Variants in NFIA observed in about 807,000 individuals in gnomAD.
NFIA encodes nuclear factor I A.
A neutral mutation model predicts 62.8 loss-of-function variants in NFIA; 8 were observed. The observed-to-expected ratio is 0.13, with a 90% confidence interval of 0.07 to 0.23. The LOEUF is 0.23. Among genes scored for constraint, NFIA ranks in the 10% least tolerant of loss-of-function variants. The pLI, the probability that NFIA is intolerant of heterozygous loss-of-function variation, is 1.00. For missense variants in NFIA, 410 were observed against 642.1 expected, an observed-to-expected ratio of 0.64 and a Z score of 3.91; for synonymous variants, 235 against 238.1, an observed-to-expected ratio of 0.99 and a Z score of 0.12.
chr1:61,244,475 A>T (rs1332679406), intron 2 of NFIA, among the ~76,000 whole-genome samples: 9 of 152,060 alleles, frequency 5.9e-5, no homozygotes, highest in Non-Finnish European at 7.4e-5. Context: ...TAGGTGAGAG[A>T]GGCTGTGTGT....
upstream of NFIA, among the ~76,000 whole-genome samples, chr1:61,080,016 C>A (rs1984296): frequency 4.0e-5 from 6 of 151,822 alleles, no homozygotes; most frequent in South Asian, 6.2e-4. Flanking sequence ...CGCCTCCCCC[C>A]CTCCCTCCGC....
At chr1:61,222,336 G>A (rs1020152783) in intron 2 of NFIA, among the ~76,000 whole-genome samples, 9 of 152,180 alleles carry the variant, frequency 5.9e-5, no homozygotes, top group African/African-American at 1.7e-4. Context: ...TAAGGTTTCC[G>A]TTATACCGTT....
intron 2 of NFIA, among the ~76,000 whole-genome samples, chr1:61,133,955 T>C (rs1647128337): frequency 6.6e-6 from 1 of 151,946 alleles, no homozygotes; most frequent in Non-Finnish European, 1.5e-5. Flanking sequence ...AAACCCCATC[T>C]CTCTAACTAA....
chr1:61,149,855 C>G (rs540367500), intron 2 of NFIA, among the ~76,000 whole-genome samples: 1 of 152,282 alleles, frequency 6.6e-6, no homozygotes, highest in East Asian at 1.9e-4. Context: ...GTTTTGACCA[C>G]TGTTACTGCA....
upstream of NFIA, chr1:61,081,776 C>T: frequency 8.1e-7 from 1 of 1,231,322 alleles, no homozygotes; most frequent in African/African-American, 1.5e-5. Context: ...GCCACAGGAC[C>T]GAAGCTGCAC....
rs774297484 is a variant in NFIA, at chr1:61,306,269, C to CTTTTTTTTTTTTTTTTTTTTT, written c.626-26238_626-26218dup. Among the ~76,000 whole-genome samples, 3 of 60,614 alleles carry CTTTTTTTTTTTTTTTTTTTTT rather than the reference C, an allele frequency of 4.9e-5. 1 individual carries two copies. Among genetic ancestry groups the CTTTTTTTTTTTTTTTTTTTTT allele is most frequent in the Non-Finnish European group, 8.0e-5 (3 of 37,350 alleles). 39.8% of individuals were successfully genotyped at this position (60,614 alleles called of 152,430 possible). A position where few individuals can be genotyped will look rare whatever the true frequency, so the allele number is the denominator to read the frequency against. ...TCATCCTGGAGACCCAGATTTTGTT[C>CTTTTTTTTTTTTTTTTTTTTT]TTTTTTTTTTTTTTTTTTTTTTTTT... On this transcript the variant is annotated intron_variant, in intron 3 of 10. Coordinates refer to ENST00000403491, the MANE Select transcript of NFIA (RefSeq NM_001134673.4).
chr1:61,204,596 A>C (rs991751264), intron 2 of NFIA, among the ~76,000 whole-genome samples: 3 of 152,160 alleles, frequency 2.0e-5, no homozygotes, highest in African/African-American at 7.2e-5. Flanking sequence ...AGCAGCAAAA[A>C]TGCACTAAAA....
intron 2 of NFIA, among the ~76,000 whole-genome samples, chr1:61,095,090 G>C (rs1646387565): frequency 6.6e-6 from 1 of 152,184 alleles, no homozygotes. Flanking sequence ...ATGATAACTA[G>C]AGATTGAAGT....
chr1:61,261,103 A>G (rs1347171187), intron 2 of NFIA, among the ~76,000 whole-genome samples: 1 of 152,204 alleles, frequency 6.6e-6, no homozygotes, highest in African/African-American at 2.4e-5. Context: ...TCTGGAGCCC[A>G]TTTTATTTAG....
intron 2 of NFIA, among the ~76,000 whole-genome samples, chr1:61,205,901 CTTTTTTTTTTTT>C (rs199804398): frequency 6.0e-4 from 74 of 122,522 alleles, no homozygotes; most frequent in East Asian, 1.4e-3. Flanking sequence ...TTTTGCAGCC[CTTTTTTTTTTTT>C]TTTTTTTTTT....
chr1:61,302,887 C>T (rs1659564759), intron 3 of NFIA, among the ~76,000 whole-genome samples: 1 of 152,132 alleles, frequency 6.6e-6, no homozygotes. Context: ...ATAATTTCAG[C>T]ATAGGAAAAT....
intron 3 of NFIA, among the ~76,000 whole-genome samples, chr1:61,302,541 G>C (rs2100332258): frequency 6.6e-6 from 1 of 152,226 alleles, no homozygotes; most frequent in Middle Eastern, 3.4e-3. Context: ...TGTGTGTTGG[G>C]TAGATCATTC....
chr1:61,398,931 A>T (rs1474747361), intron 7 of NFIA, among the ~76,000 whole-genome samples: 2 of 152,084 alleles, frequency 1.3e-5, no homozygotes, highest in African/African-American at 4.8e-5. Context: ...GTAGTTGACA[A>T]CCCAAGCCAT....
intron 6 of NFIA, among the ~76,000 whole-genome samples, chr1:61,363,604 A>AAC (rs2100451406): frequency 1.7e-5 from 2 of 116,728 alleles, no homozygotes; most frequent in East Asian, 4.6e-4. Flanking sequence ...AACTCCGTCA[A>AAC]AAAAAAAAAA....
At chr1:61,202,104 T>A (rs1652541772) in intron 2 of NFIA, among the ~76,000 whole-genome samples, 1 of 152,190 alleles carries the variant, frequency 6.6e-6, no homozygotes, top group African/African-American at 2.4e-5. Flanking sequence ...TCCAGAAGGA[T>A]AGGTGCCAAT....
Position 61,406,543 on chromosome 1 carries a change from G to GGGGGGCCCCC in NFIA, c.1255-19_1255-18insGGGGGCCCCC. The stretch of plus-strand genomic sequence containing the variant: ...TCTTTTTCTTGTACGTGTGTTTTCT[G>GGGGGGCCCCC]CCCCCCCCCCCCCCACAGCCCAATG... On this transcript the variant is annotated intron_variant, in intron 8 of 10. Transcript: ENST00000403491. The GGGGGGCCCCC allele has an allele frequency of 1.1e-6, 1 of 876,654 alleles. No homozygotes were observed. Among genetic ancestry groups the GGGGGGCCCCC allele is most frequent in the Non-Finnish European group, 1.5e-6 (1 of 653,744 alleles). 54.3% of individuals were successfully genotyped at this position (876,654 alleles called of 1,614,324 possible).
chr1:61,433,474 T>G (rs1446826144), intron 10 of NFIA, among the ~76,000 whole-genome samples: 1 of 152,010 alleles, frequency 6.6e-6, no homozygotes, highest in Non-Finnish European at 1.5e-5. Context: ...TCACAGTAAT[T>G]CAATTTATCT....
chr1:61,149,057 CTTTTT>C (rs3067418), intron 2 of NFIA, among the ~76,000 whole-genome samples: 29 of 136,014 alleles, frequency 2.1e-4, no homozygotes, highest in Non-Finnish European at 3.0e-4. Context: ...TTCTTTCTTT[CTTTTT>C]TTTTTTTTTT....
intron 2 of NFIA, among the ~76,000 whole-genome samples, chr1:61,240,969 TG>T (rs1469930517): frequency 6.6e-6 from 1 of 150,526 alleles, no homozygotes; most frequent in Non-Finnish European, 1.5e-5. Flanking sequence ...TTTTGGGGTT[TG>T]TTTTTTTTTT....
Sources: allele counts gnomAD v4.1 joint callset (sites outside exome capture counted in the v4.1 genomes callset), GRCh38; gene constraint gnomAD v4.1.1; transcripts MANE v1.5; gene names NCBI Gene and HGNC (gene_info 2026-07-23, HGNC 2026-07-21).